The following NALF1 variants were observed in gnomAD, a reference collection of about 807,000 sequenced individuals.
The protein encoded by NALF1 is NALCN channel auxiliary factor 1, also known as family with sequence similarity 155 member A.
NALF1 carries 3 observed loss-of-function variants against 48.4 expected under a neutral mutation model. That is an observed-to-expected ratio of 0.06 (90% CI 0.03 to 0.16). NALF1 has a LOEUF of 0.16. Ranked by LOEUF, NALF1 falls within the 10% of genes least tolerant of loss-of-function variation. The probability of loss-of-function intolerance (pLI) is 1.00; values close to 1 mark genes in which losing one functional copy is unlikely to be tolerated. For synonymous variants in NALF1, 262 were observed against 245.7 expected, an observed-to-expected ratio of 1.07 and a Z score of -0.62; for missense variants, 526 against 571.5, an observed-to-expected ratio of 0.92 and a Z score of 0.81.
chr13:107,638,096 T>C (rs1379026234), intron 1 of NALF1, among the ~76,000 whole-genome samples: 1 of 150,432 alleles, frequency 6.6e-6, no homozygotes, highest in African/African-American at 2.4e-5. Flanking sequence ...CGACATCATC[T>C]GTTCCTGCTA....
At chr13:107,173,202 T>C (rs946494155) in intron 2 of NALF1, among the ~76,000 whole-genome samples, 1 of 152,192 alleles carries the variant, frequency 6.6e-6, no homozygotes, top group Non-Finnish European at 1.5e-5. Context: ...TGATTTTTCA[T>C]TTTTAGCATT....
intron 1 of NALF1, among the ~76,000 whole-genome samples, chr13:107,386,183 T>C (rs1432485797): frequency 6.6e-6 from 1 of 152,226 alleles, no homozygotes; most frequent in Admixed American, 6.5e-5. Context: ...TTCAGGCTGA[T>C]AGAAAAATCA....
intron 1 of NALF1, among the ~76,000 whole-genome samples, chr13:107,523,521 C>T (rs890865817): frequency 1.0e-5 from 1 of 100,068 alleles, no homozygotes; most frequent in Middle Eastern, 9.8e-3. Context: ...ATCCTTCCCC[C>T]CTCCCCCCAC....
At chr13:107,425,948 T>G (rs768628121) in intron 1 of NALF1, among the ~76,000 whole-genome samples, 6 of 152,200 alleles carry the variant, frequency 3.9e-5, no homozygotes, top group Non-Finnish European at 7.4e-5. Context: ...ACTATGATAT[T>G]GGATATCTCT....
chr13:107,394,394 T>A (rs1158963036), intron 1 of NALF1, among the ~76,000 whole-genome samples: 1 of 152,188 alleles, frequency 6.6e-6, no homozygotes, highest in Non-Finnish European at 1.5e-5. Context: ...CTCTTCTAAA[T>A]GTATAGAGTA....
chr13:107,462,293 T>A (rs570072744), intron 1 of NALF1, among the ~76,000 whole-genome samples: 1 of 152,098 alleles, frequency 6.6e-6, no homozygotes, highest in Admixed American at 6.6e-5. Context: ...TTTTGCCTGG[T>A]TCTCTAAAAT....
intron 1 of NALF1, among the ~76,000 whole-genome samples, chr13:107,215,506 AT>A (rs34393569): frequency 0.35 from 51,918 of 149,658 alleles, 9,930 homozygotes; most frequent in East Asian, 0.55. Context: ...CTTAATGAAG[AT>A]TTTTTTTTTT....
intron 1 of NALF1, among the ~76,000 whole-genome samples, chr13:107,622,468 CAACAAAA>C (rs1879546731): frequency 1.1e-5 from 1 of 87,666 alleles, no homozygotes; most frequent in African/African-American, 3.2e-5. Context: ...ACAACAACAA[CAACAAAA>C]AAAAAAAAAC....
chr13:107,386,293 C>T (rs1192467886), intron 1 of NALF1, among the ~76,000 whole-genome samples: 1 of 152,168 alleles, frequency 6.6e-6, no homozygotes, highest in Admixed American at 6.5e-5. Flanking sequence ...GGCAACCCCA[C>T]CCCCTCTTGG....
intron 1 of NALF1, among the ~76,000 whole-genome samples, chr13:107,667,908 T>C (rs1034030462): frequency 5.9e-5 from 9 of 152,130 alleles, no homozygotes; most frequent in African/African-American, 2.2e-4. Context: ...TTTCTTAAAA[T>C]GGCAAAAAGT....
chr13:107,770,424 A>G (rs1183889245), intron 1 of NALF1, among the ~76,000 whole-genome samples: 1 of 152,208 alleles, frequency 6.6e-6, no homozygotes, highest in African/African-American at 2.4e-5. Flanking sequence ...ATGATTTAAT[A>G]TTATTTATGC....
At chr13:107,383,845 A>C (rs1883481392) in intron 1 of NALF1, among the ~76,000 whole-genome samples, 1 of 152,200 alleles carries the variant, frequency 6.6e-6, no homozygotes, top group Non-Finnish European at 1.5e-5. Flanking sequence ...GCAACTCTCA[A>C]ATAAGGTTAT....
intron 1 of NALF1, among the ~76,000 whole-genome samples, chr13:107,731,284 A>C (rs1006683824): frequency 3.2e-4 from 48 of 152,144 alleles, no homozygotes; most frequent in Non-Finnish European, 2.9e-5. Flanking sequence ...AACATGGCAA[A>C]AATATCATTT....
chr13:107,454,835 T>C (rs1412640032), intron 1 of NALF1, among the ~76,000 whole-genome samples: 1 of 152,228 alleles, frequency 6.6e-6, no homozygotes, highest in Non-Finnish European at 1.5e-5. Flanking sequence ...GTCAGCCATT[T>C]AGGCTATTTA....
intron 1 of NALF1, among the ~76,000 whole-genome samples, chr13:107,546,734 A>G (rs1289434561): frequency 6.6e-6 from 1 of 152,146 alleles, no homozygotes; most frequent in East Asian, 1.9e-4. Context: ...TATCAGTAAA[A>G]TTACCTTTTA....
intron 1 of NALF1, among the ~76,000 whole-genome samples, chr13:107,691,698 C>T (rs1881572504): frequency 6.6e-6 from 1 of 151,754 alleles, no homozygotes; most frequent in African/African-American, 2.4e-5. Context: ...ATATATTACA[C>T]CAATGTGAAA....
At chr13:107,777,465 G>T (rs987499650) in intron 1 of NALF1, among the ~76,000 whole-genome samples, 1 of 152,158 alleles carries the variant, frequency 6.6e-6, no homozygotes, top group Non-Finnish European at 1.5e-5. Flanking sequence ...GGATCACGGG[G>T]GCAGATCTCT....
At chr13:107,848,634 A>G (rs970605481) in intron 1 of NALF1, among the ~76,000 whole-genome samples, 1 of 152,226 alleles carries the variant, frequency 6.6e-6, no homozygotes. Context: ...GATCTATCCT[A>G]AATTCCCTAA....
intron 1 of NALF1, among the ~76,000 whole-genome samples, chr13:107,306,743 C>A (rs1031404480): frequency 1.3e-5 from 2 of 152,070 alleles, no homozygotes; most frequent in Admixed American, 6.6e-5. Flanking sequence ...GGAAGTGGAT[C>A]GCTTGAGCCC....
Sources: allele counts gnomAD v4.1 joint callset (sites outside exome capture counted in the v4.1 genomes callset), GRCh38; gene constraint gnomAD v4.1.1; transcripts MANE v1.5; gene names NCBI Gene and HGNC (gene_info 2026-07-23, HGNC 2026-07-21).